The following AGPAT2 variants were observed in gnomAD, a reference collection of about 807,000 sequenced individuals.
The protein encoded by AGPAT2 is 1-acyl-sn-glycerol-3-phosphate acyltransferase beta.
In AGPAT2, 18 loss-of-function variants were observed where a neutral mutation model predicts 26.1. That is an observed-to-expected ratio of 0.69 (90% CI 0.48 to 1.02). The LOEUF is 1.02. AGPAT2 is among the 50% of genes least tolerant of loss of function. The probability of loss-of-function intolerance (pLI) is 0.00; values close to 1 mark genes in which losing one functional copy is unlikely to be tolerated. For synonymous variants in AGPAT2, 200 were observed against 174.2 expected (o/e 1.15, Z -1.16); for missense variants, 415 against 394.9 (o/e 1.05, Z -0.43).
In AGPAT2 at chr9:136,676,682, T is replaced by C. The variant is rs763254660; in HGVS notation, c.493-2A>G. ...CTCGGGATAGATCCACACTTTGAGC[T>C]GCAGGGAGAGGAGAGCCTGGACTGA... On this transcript the variant is annotated splice_acceptor_variant, in intron 3 of 5. Transcript: ENST00000371696. LOFTEE classifies it high-confidence loss of function. 3 of 1,613,150 alleles carry C rather than the reference T, an allele frequency of 1.9e-6. No homozygotes were observed. The highest frequency in any genetic ancestry group is 2.5e-6 in the Non-Finnish European group (3 of 1,179,730).
At chr9:136,676,501 G>T in intron 4 of AGPAT2, 84 bp downstream of exon 4, 1 of 1,115,506 alleles carries the variant, frequency 9.0e-7, no homozygotes, top group Non-Finnish European at 1.3e-6. Context: ...CCTCAGCTCG[G>T]CTGGTGGTCA....
chr9:136,680,762 C>T (rs965949315), intron 1 of AGPAT2, among the ~76,000 whole-genome samples: 5 of 151,930 alleles, frequency 3.3e-5, no homozygotes, highest in African/African-American at 7.3e-5. Flanking sequence ...TTCCACCTCC[C>T]GGCAAGCGAT....
chr9:136,673,809 G>C lies in AGPAT2; in HGVS notation c.780C>G (p.Ser260=), dbSNP rs968556261. 2 of 1,606,558 alleles carry C rather than the reference G, an allele frequency of 1.2e-6. No homozygotes were observed. Among genetic ancestry groups the C allele is most frequent in the South Asian group, 2.2e-5 (2 of 89,784 alleles). The change falls in exon 6 of 6, where the codon TCC becomes TCG. Residue 260 remains serine, a synonymous_variant. Transcript: ENST00000371696. ...TGGCCCCGTTCTCCTGGGGGGTCTT[G>C]GAGATGTGGAGGAAGGTGGTCCTCA... ...RAMRTTFLHI[S]KTPQENGATA...
rs765404852 is a variant in AGPAT2 at position 136,677,125 on chromosome 9, C to A, written c.328G>T (p.Val110Phe). The change falls in exon 3 of 6, where the codon GTC becomes TTC. Residue 110 changes from valine (V) to phenylalanine (F), a missense_variant. By Grantham distance (50) the Val-to-Phe change is conservative. Coordinates refer to ENST00000371696, the MANE Select transcript of AGPAT2 (RefSeq NM_006412.4). ...ATCTGCACGCAGCGCTCCGGAAGGA[C>A]CTCCATGAGGCCTGGGAGACAGAGA... Reference protein sequence around the residue: ...SILDMMGLMEVLPERCVQIAK... With the variant: ...SILDMMGLMEFLPERCVQIAK... 6.2e-7 allele frequency: 1 copy of A among 1,612,992 alleles called. No individual in the cohort carries two copies. The highest frequency in any genetic ancestry group is 2.2e-5 in the East Asian group (1 of 44,878).
chr9:136,674,071 CGTGGTGG>C, intron 5 of AGPAT2, 144 bp from the exon 6 acceptor site: 1 of 761,746 alleles, frequency 1.3e-6, no homozygotes, highest in Non-Finnish European at 2.0e-6. Flanking sequence ...ACTCCCTAGC[CGTGGTGG>C]GTTATTTTAA....
chr9:136,679,168 C>T (rs897143602), intron 1 of AGPAT2, among the ~76,000 whole-genome samples: 1 of 152,228 alleles, frequency 6.6e-6, no homozygotes, highest in African/African-American at 2.4e-5. Flanking sequence ...CCATCTCCTC[C>T]CTCTATCTCC....
At chr9:136,675,282 G>C (rs536006951) in intron 4 of AGPAT2, among the ~76,000 whole-genome samples, 61 of 152,084 alleles carry the variant, frequency 4.0e-4, no homozygotes, top group Non-Finnish European at 7.8e-4. Flanking sequence ...GGGCACTTGG[G>C]GGTGATCATT....
intron 4 of AGPAT2, 136 bp from the exon 5 acceptor site, chr9:136,674,943 G>A (rs1334884168): frequency 7.6e-6 from 4 of 524,222 alleles, no homozygotes; most frequent in South Asian, 3.8e-5. Flanking sequence ...CCTTGTGGCT[G>A]TCCTGCCCCT....
chr9:136,685,066 C>A (rs1262027808), intron 1 of AGPAT2, among the ~76,000 whole-genome samples: 1 of 152,192 alleles, frequency 6.6e-6, no homozygotes, highest in African/African-American at 2.4e-5. Context: ...CTGGGGAGCA[C>A]GTGCAGAGGT....
intron 3 of AGPAT2, 132 bp downstream of exon 3, chr9:136,676,829 G>C: frequency 1.6e-6 from 2 of 1,286,466 alleles, no homozygotes; most frequent in Admixed American, 1.9e-5. Context: ...GTCTGGCGTG[G>C]GACCCCACCT....
In AGPAT2 at chr9:136,673,716, C is replaced by T. The variant is rs1846043003; in HGVS notation, c.*36G>A. On this transcript the variant is annotated 3_prime_UTR_variant, in exon 6 of 6. Coordinates refer to ENST00000371696, the MANE Select transcript of AGPAT2 (RefSeq NM_006412.4). ...CCATCCTCCAGCCATCGGCTTCCAC[C>T]TGCCCTCCCCAGGTCATGCCCTGCC... is the stretch of plus-strand genomic sequence containing the variant. 2 of 1,522,588 alleles carry T rather than the reference C, an allele frequency of 1.3e-6. No individual in the cohort carries two copies. The highest frequency in any genetic ancestry group is 1.8e-6 in the Non-Finnish European group (2 of 1,128,712). 94.3% of individuals were successfully genotyped at this position (1,522,588 alleles called of 1,614,324 possible). A position where few individuals can be genotyped will look rare whatever the true frequency, so the allele number is the denominator to read the frequency against.
In AGPAT2 at chr9:136,687,206, C is replaced by T; in HGVS notation, c.152G>A (p.Arg51His). Residue 51 changes from arginine to histidine, a missense_variant, in exon 1 of 6, where the codon CGC (arginine) becomes CAC (histidine). Transcript: ENST00000371696. Reference sequence around the variant, plus strand: ...GTTCTCCACCGTCCGGCCGCCGTGGCGCAGCAGGCAGACGAGCGAGGCCAC... The same window carrying T: ...GTTCTCCACCGTCCGGCCGCCGTGGTGCAGCAGGCAGACGAGCGAGGCCAC... ...SAVASLVCLL[R>H]HGGRTVENMS... The T allele has an allele frequency of 1.3e-6, 2 of 1,590,190 alleles. No homozygotes were observed. Among genetic ancestry groups the T allele is most frequent in the Non-Finnish European group, 1.7e-6 (2 of 1,173,070 alleles).
At position 136,673,883 on chromosome 9, in the gene AGPAT2, G is replaced by A. The variant is rs766362929; in HGVS notation, c.706C>T (p.Leu236Phe). The stretch of plus-strand genomic sequence containing the variant: ...AGCGCAGGGACGTCCGCCGCAGTGA[G>A]GCCGCTGGTGGGGATGGCTTCCAGC... Reference protein sequence around the residue: ...QVLEAIPTSGLTAADVPALVD... With the variant: ...QVLEAIPTSGFTAADVPALVD... The change falls in exon 6 of 6, where the codon CTC (leucine) becomes TTC (phenylalanine). Residue 236 changes from leucine (L) to phenylalanine (F), a missense_variant. Coordinates refer to ENST00000371696, the MANE Select transcript of AGPAT2 (RefSeq NM_006412.4). 7 of 1,601,270 alleles carry A rather than the reference G, an allele frequency of 4.4e-6. No individual in the cohort carries two copies. The highest frequency in any genetic ancestry group is 2.6e-6 in the Non-Finnish European group (3 of 1,175,214).
In AGPAT2 at chr9:136,677,552, T is replaced by C; in HGVS notation, c.187A>G (p.Ile63Val). 6.2e-7 allele frequency: 1 copy of C among 1,612,890 alleles called. No homozygotes were observed. The change falls in exon 2 of 6, where the codon ATC (isoleucine) becomes GTC (valine). Residue 63 changes from isoleucine to valine, a missense_variant. By Grantham distance (29) the Ile-to-Val change is conservative. Coordinates refer to ENST00000371696, the MANE Select transcript of AGPAT2 (RefSeq NM_006412.4). The part of the protein sequence containing the change: ...GGRTVENMSI[I>V]GWFVRSFKYF... ...TTGAAGCTTCGCACGAACCAGCCGA[T>C]GATGCTGCAGGGGAGGCCACCATGA...
intron 1 of AGPAT2, among the ~76,000 whole-genome samples, chr9:136,685,795 C>A (rs1219328084): frequency 1.3e-5 from 2 of 152,176 alleles, no homozygotes; most frequent in African/African-American, 4.8e-5. Flanking sequence ...CTCACAGAGA[C>A]CCCTGCCTAC....
At chr9:136,676,931 A>ACCCC in intron 3 of AGPAT2, 30 bp downstream of exon 3, 1 of 1,582,666 alleles carries the variant, frequency 6.3e-7, no homozygotes, top group Non-Finnish European at 8.6e-7. Context: ...CCCCACCCCA[A>ACCCC]CCCCACCGAG....
Position 136,676,575 on chromosome 9 carries a change from C to G in AGPAT2, c.588+10G>C. The G allele has an allele frequency of 6.2e-7, 1 of 1,611,548 alleles. No individual in the cohort carries two copies. The highest frequency in any genetic ancestry group is 8.5e-7 in the Non-Finnish European group (1 of 1,178,916). ...CTGCACCCACCCAGGGAGGGCTGGG[C>G]TCAGCCTACCTGTGCCTGGACTGCC... On this transcript the variant is annotated intron_variant, in intron 4 of 5. Transcript: ENST00000371696.
At chr9:136,681,594 G>A (rs906650024) in intron 1 of AGPAT2, among the ~76,000 whole-genome samples, 8 of 152,182 alleles carry the variant, frequency 5.3e-5, no homozygotes, top group African/African-American at 7.2e-5. Flanking sequence ...CTGAGGTCAG[G>A]AGTTCAAGAC....
In AGPAT2 at chr9:136,687,168, G is replaced by A. The variant is rs199860398; in HGVS notation, c.182+8C>T. The A allele has an allele frequency of 3.7e-3, 5,826 of 1,583,004 alleles. 16 individuals carry two copies. Among genetic ancestry groups the A allele is most frequent in the Non-Finnish European group, 4.7e-3 (5,558 of 1,170,562 alleles). On this transcript the variant is annotated splice_region_variant and intron_variant, in intron 1 of 5. Transcript: ENST00000371696. Reference sequence around the variant, plus strand: ...TCCCCGGCCCCTCCCGGCGGCCCCCGGCCTTGCCTCATGTTCTCCACCGTC... The same window carrying A: ...TCCCCGGCCCCTCCCGGCGGCCCCCAGCCTTGCCTCATGTTCTCCACCGTC...
Sources: gnomAD v4.1 joint callset for allele counts (sites outside exome capture counted in the v4.1 genomes callset) on GRCh38, gnomAD v4.1.1 for gene constraint, MANE v1.5 for transcripts, NCBI Gene and HGNC (gene_info 2026-07-23, HGNC 2026-07-21) for gene names.